UBTF: variants seen among roughly 807,000 people sequenced by gnomAD.
UBTF encodes the protein nucleolar transcription factor 1.
UBTF carries 8 observed loss-of-function variants against 112.3 expected under a neutral mutation model. That is an observed-to-expected ratio of 0.07 (90% CI 0.04 to 0.13). The LOEUF (loss-of-function observed/expected upper bound fraction) is 0.13, where lower values mean the gene tolerates loss of function less well. Among genes scored for constraint, UBTF ranks in the 10% least tolerant of loss-of-function variants. UBTF has a pLI of 1.00. For synonymous variants in UBTF, 417 were observed against 373.1 expected (o/e 1.12, Z -1.36); for missense variants, 457 against 982.1 (o/e 0.47, Z 7.15).
chr17:44,207,774 C>T lies in UBTF; in HGVS notation c.1954-4G>A, dbSNP rs774559427. ...GCTTGGTCATGCTCTTACGTTTCTG[C>T]AGGATGGGGACACAAAGGTGGCAGC... is the stretch of plus-strand genomic sequence containing the variant. On this transcript the variant is annotated splice_region_variant and splice_polypyrimidine_tract_variant and intron_variant, in intron 18 of 20. Transcript: ENST00000436088. 6.2e-7 allele frequency: 1 copy of T among 1,614,152 alleles called. No individual in the cohort carries two copies. Among genetic ancestry groups the T allele is most frequent in the South Asian group, 1.1e-5 (1 of 91,082 alleles).
chr17:44,213,645 C>T (rs529848501), intron 5 of UBTF, among the ~76,000 whole-genome samples: 17 of 152,306 alleles, frequency 1.1e-4, no homozygotes, highest in African/African-American at 3.9e-4. Context: ...ACAGTGGCGT[C>T]GGGTGCAGGC....
intron 17 of UBTF, chr17:44,208,842 C>A: frequency 3.3e-6 from 1 of 298,996 alleles, no homozygotes; most frequent in South Asian, 2.5e-5. Context: ...ACTGTGTGAC[C>A]TTGGGCAAGT....
intron 5 of UBTF, among the ~76,000 whole-genome samples, chr17:44,214,581 C>T (rs1460983277): frequency 1.3e-5 from 2 of 152,178 alleles, no homozygotes; most frequent in Non-Finnish European, 2.9e-5. Context: ...TGTCCAACAT[C>T]CTCATCAAAG....
intron 14 of UBTF, 42 bp from the exon 15 acceptor site, chr17:44,210,276 G>A (rs748545382): frequency 9.3e-6 from 15 of 1,614,236 alleles, no homozygotes; most frequent in South Asian, 2.2e-5. Flanking sequence ...GGGGTCACCC[G>A]GGGCTAGAGG....
At chr17:44,209,867 G>A (rs2056539371) in intron 15 of UBTF, 134 bp from the exon 16 acceptor site, 2 of 968,254 alleles carry the variant, frequency 2.1e-6, no homozygotes, top group Non-Finnish European at 3.1e-6. Flanking sequence ...TAGCTAGTGA[G>A]CAACTTCCTA....
chr17:44,220,553 C>T (rs973594557), upstream of UBTF, among the ~76,000 whole-genome samples: 3 of 152,106 alleles, frequency 2.0e-5, no homozygotes, highest in African/African-American at 4.8e-5. Flanking sequence ...AAAAAAAATC[C>T]CCGTTGCTCT....
chr17:44,205,944 G>A lies in UBTF; in HGVS notation c.*1298C>T, dbSNP rs1290743651. On this transcript the variant is annotated 3_prime_UTR_variant, in exon 21 of 21. Transcript: ENST00000436088. ...GACTTCTTGCCCAGCTGTGGGGTTG[G>A]GGGAGGAGGGAGCAGACCTGAGAAA... 1 of 152,188 alleles carries A rather than the reference G, an allele frequency of 6.6e-6. No individual in the cohort carries two copies. The highest frequency in any genetic ancestry group is 6.5e-5 in the Admixed American group (1 of 15,276). 9.4% of individuals were successfully genotyped at this position (152,188 alleles called of 1,614,324 possible). A position where few individuals can be genotyped will look rare whatever the true frequency, so the allele number is the denominator to read the frequency against.
Position 44,207,695 on chromosome 17 carries a change from T to G in UBTF, c.2025+4A>C, listed in dbSNP as rs1296120805. On this transcript the variant is annotated splice_donor_region_variant and intron_variant, in intron 19 of 20. Transcript: ENST00000436088. ...CGCCCCTGCATCTGGGAGGGGCTCC[T>G]TACCGACTTGGACTGCAGAGTAGTC... 5.6e-6 allele frequency: 9 copies of G among 1,614,206 alleles called. No homozygotes were observed. The highest frequency in any genetic ancestry group is 7.6e-6 in the Non-Finnish European group (9 of 1,180,022).
intron 17 of UBTF, 151 bp from the exon 18 acceptor site, chr17:44,208,062 G>C: frequency 1.4e-6 from 1 of 737,546 alleles, no homozygotes; most frequent in South Asian, 1.9e-5. Context: ...TCTCTGCAGA[G>C]AGCCCCTGGG....
At chr17:44,213,486 G>A in intron 5 of UBTF, 2 of 551,690 alleles carry the variant, frequency 3.6e-6, no homozygotes, top group South Asian at 5.3e-5. Context: ...GGGAGCTGCA[G>A]GGGTCGCCCA....
chr17:44,210,615 G>C, intron 13 of UBTF, 142 bp from the exon 14 acceptor site: 1 of 1,385,972 alleles, frequency 7.2e-7, no homozygotes, highest in Admixed American at 3.0e-5. Context: ...CCCCCGCCTG[G>C]TCTGCGGCGC....
intron 15 of UBTF, 72 bp downstream of exon 15, chr17:44,210,052 G>T: frequency 4.7e-6 from 7 of 1,497,418 alleles, no homozygotes; most frequent in Non-Finnish European, 6.5e-6. Flanking sequence ...GGGACTTCTT[G>T]CTCAGAGCTG....
Position 44,207,505 on chromosome 17 carries a change from G to A in UBTF, c.2118C>T (p.Gly706=), listed in dbSNP as rs757244562. ...CGCTGCTGGACTCAGAGGAGTCGCCGCCATCTTCAGAGGAGTCCCCATTCT... is the reference window on the plus strand; with the variant it reads ...CGCTGCTGGACTCAGAGGAGTCGCCACCATCTTCAGAGGAGTCCCCATTCT... ...DDENGDSSED[G]GDSSESSSED... The change falls in exon 20 of 21, where the codon GGC becomes GGT. Residue 706 remains glycine, a synonymous_variant. Coordinates refer to ENST00000436088, the MANE Select transcript of UBTF (RefSeq NM_014233.4). The A allele has an allele frequency of 2.2e-5, 36 of 1,613,734 alleles. 1 individual carries two copies. Among genetic ancestry groups the A allele is most frequent in the South Asian group, 2.1e-4 (19 of 91,078 alleles).
At position 44,207,292 on chromosome 17, in the gene UBTF, T is replaced by C. The variant is rs764382592; in HGVS notation, c.2245A>G (p.Ser749Gly). 1.9e-6 allele frequency: 3 copies of C among 1,613,360 alleles called. No homozygotes were observed. Among genetic ancestry groups the C allele is most frequent in the Non-Finnish European group, 2.5e-6 (3 of 1,179,764 alleles). ...EDEDNESEGS[S>G]SSSSSSGDSS... ...TCCCCTGAGGAGGAGGAGCTGGAGCTGCTGCCCTCGGACTCATTATCTTCA... is the reference window on the plus strand; with the variant it reads ...TCCCCTGAGGAGGAGGAGCTGGAGCCGCTGCCCTCGGACTCATTATCTTCA... The change falls in exon 21 of 21, where the codon AGC (serine) becomes GGC (glycine). Residue 749 changes from serine to glycine, a missense_variant. This residue lies in a region of UBTF where 139 missense variants were observed against 157.5 expected (regional missense o/e 0.88). Transcript: ENST00000436088.
chr17:44,215,062 A>C (rs1598257582), intron 5 of UBTF, among the ~76,000 whole-genome samples: 1 of 152,052 alleles, frequency 6.6e-6, no homozygotes. Context: ...GAACAGTATG[A>C]GGCCAGGAGG....
rs763130249 is a variant in UBTF, at chr17:44,213,286, G to A, written c.475-4C>T. ...GGAAGTCCTGAATATATTTCATCTG[G>A]GGGGAGGAGGGGATGGGGTCACTCA... On this transcript the variant is annotated splice_region_variant and splice_polypyrimidine_tract_variant and intron_variant, in intron 5 of 20. Coordinates refer to ENST00000436088, the MANE Select transcript of UBTF (RefSeq NM_014233.4). 6.2e-7 allele frequency: 1 copy of A among 1,613,096 alleles called. No homozygotes were observed. The highest frequency in any genetic ancestry group is 8.5e-7 in the Non-Finnish European group (1 of 1,179,526).
chr17:44,207,864 A>G lies in UBTF; in HGVS notation c.1953T>C (p.Asn651=). 1 of 1,613,870 alleles carries G rather than the reference A, an allele frequency of 6.2e-7. No individual in the cohort carries two copies. The highest frequency in any genetic ancestry group is 8.5e-7 in the Non-Finnish European group (1 of 1,179,960). ...ACTGCTGCTCTGCTCCCAGACTCAC[A>G]TTGGAGATGTACTCTTTATATGCTG... ...DRAAYKEYIS[N]KRKSMTKLRG... The change falls in exon 18 of 21, where the codon AAT becomes AAC. Residue 651 remains asparagine, a splice_region_variant and synonymous_variant. Transcript: ENST00000436088.
chr17:44,207,311 A>G lies in UBTF; in HGVS notation c.2226T>C (p.Asp742=). ...DDDEDDDEDE[D]NESEGSSSSS... ...TGGAGCTGCTGCCCTCGGACTCATT[A>G]TCTTCATCCTCATCGTCATCCTCGT... is the stretch of plus-strand genomic sequence containing the variant. Residue 742 remains aspartate (D), a synonymous_variant, in exon 21 of 21, where the codon GAT becomes GAC. Coordinates refer to ENST00000436088, the MANE Select transcript of UBTF (RefSeq NM_014233.4). 1.9e-6 allele frequency: 3 copies of G among 1,612,856 alleles called. No homozygotes were observed. The highest frequency in any genetic ancestry group is 2.2e-5 in the South Asian group (2 of 90,834).
At chr17:44,218,544 C>G in intron 1 of UBTF, 1 of 303,092 alleles carries the variant, frequency 3.3e-6, no homozygotes, top group Non-Finnish European at 5.8e-6. Context: ...CTGCTCCTAG[C>G]TCCCGCGTGC....
Sources: gnomAD v4.1 joint callset for allele counts (sites outside exome capture counted in the v4.1 genomes callset) on GRCh38, gnomAD v4.1.1 for gene constraint, gnomAD v4.1.1 regional missense constraint, MANE v1.5 for transcripts, NCBI Gene and HGNC (gene_info 2026-07-23, HGNC 2026-07-21) for gene names.